Variants in TMEM183A observed in about 807,000 individuals in gnomAD.
The protein encoded by TMEM183A is transmembrane protein 183A.
Under a neutral mutation model 46.7 loss-of-function variants are expected in TMEM183A, and 21 were observed. The ratio of observed to expected loss-of-function variants is 0.45; its 90% CI spans 0.32 to 0.65. TMEM183A has a LOEUF of 0.65. TMEM183A is among the 30% of genes least tolerant of loss of function. The pLI, the probability that TMEM183A is intolerant of heterozygous loss-of-function variation, is 0.04. For synonymous variants in TMEM183A, 165 were observed against 180.2 expected (o/e 0.92, Z 0.68); for missense variants, 331 against 481.9 (o/e 0.69, Z 2.93).
rs1218990578 is a variant in TMEM183A, at chr1:203,007,999, G to T, written c.199+136G>T. 4 of 1,055,432 alleles carry T rather than the reference G, an allele frequency of 3.8e-6. No individual in the cohort carries two copies. In the South Asian group the frequency reaches 6.6e-5, roughly 18 times the overall value. 65.4% of individuals were successfully genotyped at this position (1,055,432 alleles called of 1,614,324 possible). On this transcript the variant is annotated intron_variant, in intron 2 of 7. Transcript: ENST00000367242. ...TCGTTAGTGTTAACTTACATATTGGGGTGGAGGAGGATTAGTCAAGAGTAG... is the reference window on the plus strand; with the variant it reads ...TCGTTAGTGTTAACTTACATATTGGTGTGGAGGAGGATTAGTCAAGAGTAG...
At chr1:203,019,705 CAG>C (rs1289851445) in intron 6 of TMEM183A, among the ~76,000 whole-genome samples, 1 of 151,968 alleles carries the variant, frequency 6.6e-6, no homozygotes, top group Non-Finnish European at 1.5e-5. Flanking sequence ...GCCTAAGAGA[CAG>C]AGAAGACAAA....
rs560696139 is a variant in TMEM183A, at chr1:203,007,635, G to A, written c.109+61G>A. The A allele has an allele frequency of 4.3e-5, 66 of 1,532,546 alleles. No individual in the cohort carries two copies. The Admixed American group carries it at 8.7e-4, about 20-fold the overall frequency. The allele number at this position is 1,532,546 out of a possible 1,614,324, so 94.9% of individuals were successfully genotyped here. ...GGGGCTGGCGGCTGGGAGGGGGCTG[G>A]ACCGTGCCGAGGTGAGCGCTCGCGT... On this transcript the variant is annotated intron_variant, in intron 1 of 7. Coordinates refer to ENST00000367242, the MANE Select transcript of TMEM183A (RefSeq NM_138391.6).
chr1:203,010,235 T>C (rs1370233608), intron 3 of TMEM183A, among the ~76,000 whole-genome samples: 3 of 152,206 alleles, frequency 2.0e-5, no homozygotes, highest in Admixed American at 6.5e-5. Context: ...AGATAATAGA[T>C]ATTTTTATTT....
chr1:203,018,252 T>C (rs1303039652), intron 5 of TMEM183A, among the ~76,000 whole-genome samples: 1 of 152,190 alleles, frequency 6.6e-6, no homozygotes, highest in Non-Finnish European at 1.5e-5. Context: ...GGTTGACTTA[T>C]ATTGGTCCCT....
chr1:203,015,664 C>T lies in TMEM183A; in HGVS notation c.528-296C>T, dbSNP rs557994237. On this transcript the variant is annotated intron_variant, in intron 4 of 7. Transcript: ENST00000367242. ...TGGCTCTTCGCCAGTATAGGTTCCT[C>T]CAGGACAGGTTCTTTTTGAGCAGCT... The T allele has an allele frequency of 1.3e-3, 454 of 345,810 alleles. 2 individuals are homozygous for T. Among genetic ancestry groups the T allele is most frequent in the South Asian group, 3.5e-3 (98 of 27,728 alleles). 21.4% of individuals were successfully genotyped at this position (345,810 alleles called of 1,614,324 possible).
intron 3 of TMEM183A, among the ~76,000 whole-genome samples, chr1:203,009,242 AGACATTATC>A (rs2102532142): frequency 6.6e-6 from 1 of 152,356 alleles, no homozygotes; most frequent in South Asian, 2.1e-4. Context: ...ACACAAACAT[AGACATTATC>A]GTGGGCTTTT....
intron 3 of TMEM183A, among the ~76,000 whole-genome samples, chr1:203,011,171 T>A (rs572172782): frequency 6.4e-4 from 98 of 152,342 alleles, no homozygotes; most frequent in Admixed American, 4.8e-3. Context: ...AAACTCTATG[T>A]TTAACTTTTG....
intron 5 of TMEM183A, 80 bp downstream of exon 5, chr1:203,016,220 C>T: frequency 6.3e-7 from 1 of 1,594,762 alleles, no homozygotes; most frequent in Non-Finnish European, 8.5e-7. Flanking sequence ...CTCCAGCTTC[C>T]TTGATGGGGA....
At chr1:203,014,537 A>G (rs954306582) in intron 3 of TMEM183A, among the ~76,000 whole-genome samples, 5 of 152,044 alleles carry the variant, frequency 3.3e-5, no homozygotes, top group African/African-American at 9.7e-5. Context: ...CAGGAGGCGG[A>G]GGTTGTATTG....
intron 3 of TMEM183A, among the ~76,000 whole-genome samples, chr1:203,011,977 A>G (rs1175204243): frequency 1.3e-5 from 2 of 151,674 alleles, no homozygotes; most frequent in Non-Finnish European, 2.9e-5. Flanking sequence ...AACATGTAGA[A>G]GAAGAGAGAA....
At chr1:203,009,747 G>A (rs1310781683) in intron 3 of TMEM183A, among the ~76,000 whole-genome samples, 1 of 152,160 alleles carries the variant, frequency 6.6e-6, no homozygotes, top group East Asian at 1.9e-4. Flanking sequence ...GCCTCCCAAA[G>A]TGCTGAGATT....
At position 203,007,443 on chromosome 1, in the gene TMEM183A, G is replaced by A. The variant is rs1571594393; in HGVS notation, c.-23G>A. 9.2e-6 allele frequency: 13 copies of A among 1,407,598 alleles called. No homozygotes were observed. The highest frequency in any genetic ancestry group is 1.2e-5 in the Non-Finnish European group (13 of 1,078,862). The allele number at this position is 1,407,598 out of a possible 1,614,324, so 87.2% of individuals were successfully genotyped here. A position where few individuals can be genotyped will look rare whatever the true frequency, so the allele number is the denominator to read the frequency against. On this transcript the variant is annotated 5_prime_UTR_variant, in exon 1 of 8. Transcript: ENST00000367242. ...GGGCGGAGCTGGCTTGCGGCTCCCG[G>A]GGCCGGCTCTCCGGCCGGAGACATG...
At position 203,016,124 on chromosome 1, in the gene TMEM183A, C is replaced by T. The variant is rs749124727; in HGVS notation, c.692C>T (p.Thr231Ile). 1.9e-6 allele frequency: 3 copies of T among 1,614,190 alleles called. No individual in the cohort carries two copies. Among genetic ancestry groups the T allele is most frequent in the South Asian group, 1.1e-5 (1 of 91,090 alleles). ...NPAIPESTPS[T>I]LKNSKCLLFW... ...GCCATTCCAGAAAGCACCCCCAGCA[C>T]ATTAAAGAATTCCAAAGTAAGTGAG... The change falls in exon 5 of 8, where the codon ACA (threonine) becomes ATA (isoleucine). Residue 231 changes from threonine to isoleucine, a missense_variant. This residue lies in a region of TMEM183A where 233 missense variants were observed against 385.8 expected (regional missense o/e 0.60). Transcript: ENST00000367242.
chr1:203,019,914 T>C (rs962704784), intron 6 of TMEM183A, among the ~76,000 whole-genome samples: 6 of 149,880 alleles, frequency 4.0e-5, no homozygotes, highest in Non-Finnish European at 7.4e-5. Flanking sequence ...TGAGCAGATA[T>C]GGCAATAGGT....
chr1:203,019,733 A>G lies in TMEM183A; in HGVS notation c.790-1060A>G, dbSNP rs192839556. Among the ~76,000 whole-genome samples the G allele has an allele frequency of 3.5e-3, 526 of 152,328 alleles. 1 individual carries two copies. Among genetic ancestry groups the G allele is most frequent in the Middle Eastern group, 0.02 (6 of 294 alleles). On this transcript the variant is annotated intron_variant, in intron 6 of 7. Transcript: ENST00000367242. ...AGAAGACAAATTACATGAACTCTCC[A>G]GTTGCAAAGCCAATGAAAATTTTTT...
intron 3 of TMEM183A, among the ~76,000 whole-genome samples, chr1:203,009,699 G>A (rs1656362494): frequency 1.3e-5 from 2 of 152,100 alleles, no homozygotes; most frequent in South Asian, 4.1e-4. Context: ...GCCTAGGCTA[G>A]ATTTGAGCTC....
rs1656032433 is a variant in TMEM183A, at chr1:203,007,412, G to A, written c.-54G>A. 6 of 1,342,850 alleles carry A rather than the reference G, an allele frequency of 4.5e-6. No individual in the cohort carries two copies. Among genetic ancestry groups the A allele is most frequent in the East Asian group, 3.0e-5 (1 of 33,172 alleles). 83.2% of individuals were successfully genotyped at this position (1,342,850 alleles called of 1,614,324 possible). ...GCGGCCTCCGGTGTGGGATGGCCGC[G>A]GAGCCGGGCGGAGCTGGCTTGCGGC... On this transcript the variant is annotated 5_prime_UTR_variant, in exon 1 of 8. Coordinates refer to ENST00000367242, the MANE Select transcript of TMEM183A (RefSeq NM_138391.6).
intron 6 of TMEM183A, among the ~76,000 whole-genome samples, chr1:203,020,451 C>G (rs977931120): frequency 1.3e-5 from 2 of 152,138 alleles, no homozygotes; most frequent in Non-Finnish European, 2.9e-5. Context: ...CCCTTTTGTG[C>G]AGCAGATGTT....
chr1:203,023,001 C>T lies in TMEM183A; in HGVS notation c.1092C>T (p.Asp364=). ...LDPVHSVRLF[D]WWHPQYPFSL... is the part of the protein sequence containing the mutation. ...CAGTGCACAGCGTTCGGCTCTTTGA[C>T]TGGTGGCATCCTCAGTACCCATTCT... Residue 364 remains aspartate, a synonymous_variant, in exon 8 of 8, where the codon GAC becomes GAT. Transcript: ENST00000367242. 1 of 1,592,124 alleles carries T rather than the reference C, an allele frequency of 6.3e-7. No homozygotes were observed. The highest frequency in any genetic ancestry group is 1.7e-5 in the Admixed American group (1 of 59,092).
Sources: allele counts gnomAD v4.1 joint callset (sites outside exome capture counted in the v4.1 genomes callset), GRCh38; gene constraint gnomAD v4.1.1; regional missense constraint gnomAD v4.1.1; transcripts MANE v1.5; gene names NCBI Gene and HGNC (gene_info 2026-07-23, HGNC 2026-07-21).